The following CELF2 variants were observed in gnomAD, a reference collection of about 807,000 sequenced individuals.
The protein encoded by CELF2 is CUG triplet repeat RNA-binding protein 2.
CELF2 carries 8 observed loss-of-function variants against 62.6 expected under a neutral mutation model. That is an observed-to-expected ratio of 0.13 (90% CI 0.07 to 0.23). The LOEUF is 0.23. Ranked by LOEUF, CELF2 falls within the 10% of genes least tolerant of loss-of-function variation. CELF2 has a pLI of 1.00. For missense variants in CELF2, 333 were observed against 671.0 expected (o/e 0.50, Z 5.56); for synonymous variants, 258 against 250.0 (o/e 1.03, Z -0.30).
chr10:10,734,109 A>G, the CELF2 span, among the ~76,000 whole-genome samples: 1 of 152,042 alleles, frequency 6.6e-6, no homozygotes, highest in Non-Finnish European at 1.5e-5. Flanking sequence ...TTTTAGCTGC[A>G]TAGTCTTTGA....
chr10:11,111,027 G>A (rs766848492), intron 1 of CELF2, among the ~76,000 whole-genome samples: 6 of 152,148 alleles, frequency 3.9e-5, no homozygotes, highest in Admixed American at 6.5e-5. Flanking sequence ...AGTACCATTC[G>A]GTTAGGATGT....
At chr10:11,073,698 A>G (rs1045933800) in intron 1 of CELF2, among the ~76,000 whole-genome samples, 25 of 152,166 alleles carry the variant, frequency 1.6e-4, no homozygotes, top group Non-Finnish European at 5.9e-5. Context: ...GGCCTCACAG[A>G]GTGCTGATCT....
the CELF2 span, among the ~76,000 whole-genome samples, chr10:10,691,095 C>G: frequency 8.4e-3 from 1,270 of 151,898 alleles, 7 homozygotes; most frequent in African/African-American, 0.011. Flanking sequence ...CATGCTGGTG[C>G]GCTGCACCCA....
At chr10:10,733,750 A>T in the CELF2 span, among the ~76,000 whole-genome samples, 1 of 152,274 alleles carries the variant, frequency 6.6e-6, no homozygotes, top group African/African-American at 2.4e-5. Context: ...CTACCATGAG[A>T]ACAATATGAG....
In CELF2 at chr10:11,321,101, C is replaced by T. The variant is rs1222815017; in HGVS notation, c.1097-88C>T. 1.4e-5 allele frequency: 20 copies of T among 1,415,334 alleles called. No homozygotes were observed. Among genetic ancestry groups the T allele is most frequent in the Non-Finnish European group, 2.0e-5 (20 of 1,004,430 alleles). The allele number at this position is 1,415,334 out of a possible 1,614,324, so 87.7% of individuals were successfully genotyped here. On this transcript the variant is annotated intron_variant, in intron 10 of 12. Transcript: ENST00000633077. This position sits in a 1 kb window ranked among gnomAD's most constrained non-coding sequence, Gnocchi z 6.2. Reference sequence around the variant, plus strand: ...CTAGCTGCATGTACTTGCTGTTGTACTGTGTTTAAATGATTCTCTAACTTC... The same window carrying T: ...CTAGCTGCATGTACTTGCTGTTGTATTGTGTTTAAATGATTCTCTAACTTC...
chr10:10,652,115 G>T, the CELF2 span, among the ~76,000 whole-genome samples: 11 of 118,598 alleles, frequency 9.3e-5, no homozygotes, highest in African/African-American at 2.5e-4. Context: ...TGGAAGAAAG[G>T]GTATCAGCGA....
At chr10:10,759,296 C>CTTTTTTTTTTT in the CELF2 span, among the ~76,000 whole-genome samples, 1 of 120,882 alleles carries the variant, frequency 8.3e-6, no homozygotes, top group Non-Finnish European at 1.7e-5. Flanking sequence ...GCCCATTTTT[C>CTTTTTTTTTTT]TTTTTTTTTT....
At chr10:10,615,903 G>A in the CELF2 span, among the ~76,000 whole-genome samples, 2 of 152,250 alleles carry the variant, frequency 1.3e-5, no homozygotes, top group East Asian at 1.9e-4. Flanking sequence ...TATAACTGGT[G>A]AAGGAAGTCT....
chr10:11,214,632 G>A lies in CELF2; in HGVS notation c.272-2793G>A, dbSNP rs932927797. ...ACGCGGCGCCTGTGGAGCTGTGCTG[G>A]GGCTCAGCTCTTGGGTCGGACAGAT... On this transcript the variant is annotated intron_variant, in intron 2 of 12. Coordinates refer to ENST00000633077, the MANE Select transcript of CELF2 (RefSeq NM_001326342.2). This position sits in a 1 kb window ranked among gnomAD's most constrained non-coding sequence, Gnocchi z 4.2. Among the ~76,000 whole-genome samples the A allele has an allele frequency of 3.9e-5, 6 of 152,210 alleles. No homozygotes were observed. The highest frequency in any genetic ancestry group is 1.4e-4 in the African/African-American group (6 of 41,458).
chr10:10,617,364 G>T, the CELF2 span, among the ~76,000 whole-genome samples: 1 of 152,064 alleles, frequency 6.6e-6, no homozygotes, highest in Non-Finnish European at 1.5e-5. Context: ...GAAGCCAGCT[G>T]GGCACAAGAG....
chr10:11,329,012 G>T lies in CELF2; in HGVS notation c.1525G>T (p.Val509Leu). 6.2e-7 allele frequency: 1 copy of T among 1,613,672 alleles called. No individual in the cohort carries two copies. Among genetic ancestry groups the T allele is most frequent in the Non-Finnish European group, 8.5e-7 (1 of 1,179,676 alleles). Residue 509 changes from valine (V) to leucine (L), a missense_variant, in exon 13 of 13, where the codon GTG (valine) becomes TTG (leucine). Val to Leu is a conservative substitution (Grantham distance 32). Coordinates refer to ENST00000633077, the MANE Select transcript of CELF2 (RefSeq NM_001326342.2). The surrounding 1 kb of genome is among the most constrained non-coding windows in gnomAD (Gnocchi z 5.5). ...GFQIGMKRLK[V>L]QLKRSKNDSK... is the part of the protein sequence containing the mutation. ...TCAGATCGGCATGAAACGCTTGAAG[G>T]TGCAGCTGAAGCGTTCCAAAAACGA...
chr10:11,035,919 C>A (rs2060873992), intron 1 of CELF2, among the ~76,000 whole-genome samples: 1 of 152,216 alleles, frequency 6.6e-6, no homozygotes, highest in African/African-American at 2.4e-5. Context: ...TACACAAATT[C>A]TGCTTGGCAA....
the CELF2 span, among the ~76,000 whole-genome samples, chr10:10,711,201 T>G: frequency 8.5e-5 from 13 of 152,304 alleles, no homozygotes; most frequent in East Asian, 2.3e-3. Context: ...TGCTTTATAT[T>G]GACGCCTAAA....
chr10:10,846,958 CG>C (rs1402214364), intron 1 of CELF2, among the ~76,000 whole-genome samples: 1 of 152,030 alleles, frequency 6.6e-6, no homozygotes, highest in East Asian at 1.9e-4. Flanking sequence ...TCATACCTGC[CG>C]GCCTAAGGTT....
In CELF2 at chr10:10,911,964, A is replaced by C. The variant is rs1294726045; in HGVS notation, c.54-8000A>C. On this transcript the variant is annotated intron_variant, in intron 1 of 13. Coordinates refer to the CELF2 transcript ENST00000636488. ...GTTTTCTAAGTGATGTGGTGAGTTT[A>C]TTTAAGGGTCTTGTTTTAGCTGATC... Among the ~76,000 whole-genome samples the C allele has an allele frequency of 4.6e-5, 7 of 152,164 alleles. No homozygotes were observed. The East Asian group carries it at 1.3e-3, about 29-fold the overall frequency.
At chr10:10,582,001 C>T in the CELF2 span, among the ~76,000 whole-genome samples, 6 of 152,062 alleles carry the variant, frequency 3.9e-5, no homozygotes, top group African/African-American at 1.2e-4. Context: ...GCACTCCAGT[C>T]TGGGCAACAG....
the CELF2 span, among the ~76,000 whole-genome samples, chr10:10,762,021 G>C: frequency 1.3e-5 from 2 of 150,846 alleles, no homozygotes; most frequent in Admixed American, 1.3e-4. Context: ...TAGACTAAAA[G>C]TATTTAATGA....
At chr10:10,544,373 G>C in the CELF2 span, among the ~76,000 whole-genome samples, 19 of 152,248 alleles carry the variant, frequency 1.2e-4, no homozygotes, top group Non-Finnish European at 2.2e-4. Flanking sequence ...GCAAGGGTAA[G>C]AGTGCATTTG....
chr10:11,026,884 A>G (rs1233228506), intron 1 of CELF2, among the ~76,000 whole-genome samples: 1 of 152,136 alleles, frequency 6.6e-6, no homozygotes, highest in African/African-American at 2.4e-5. Flanking sequence ...ATTGAACTGT[A>G]TTTTGACTTC....
Sources: allele counts gnomAD v4.1 joint callset (sites outside exome capture counted in the v4.1 genomes callset), GRCh38; gene constraint gnomAD v4.1.1; non-coding constraint Gnocchi (gnomAD v3.1); transcripts MANE v1.5; gene names NCBI Gene and HGNC (gene_info 2026-07-23, HGNC 2026-07-21).